TMEM18: variants seen among roughly 807,000 people sequenced by gnomAD.
TMEM18 encodes the protein transmembrane protein 18.
TMEM18 carries 14 observed loss-of-function variants against 17.4 expected under a neutral mutation model. That is an observed-to-expected ratio of 0.80 (90% CI 0.53 to 1.25). The LOEUF (loss-of-function observed/expected upper bound fraction) is 1.25. Ranked by LOEUF, TMEM18 falls within the 50% of genes most tolerant of loss-of-function variation. The probability of loss-of-function intolerance (pLI) is 0.00; values close to 1 mark genes in which losing one functional copy is unlikely to be tolerated. For synonymous variants in TMEM18, 86 were observed against 66.1 expected (o/e 1.30, Z -1.46); for missense variants, 187 against 172.1 (o/e 1.09, Z -0.48).
chr2:676,245 A>T (rs1215833315), intron 1 of TMEM18: 1 of 1,420,302 alleles, frequency 7.0e-7, no homozygotes. Flanking sequence ...GTACCTGGGG[A>T]CAGTGTCTGG....
Position 667,014 on chromosome 2 carries a change from C to CTT in TMEM18, c.*2564_*2565dup, listed in dbSNP as rs34894161. 0.041 allele frequency among the ~76,000 whole-genome samples: 5,777 copies of CTT among 140,768 alleles called. 286 individuals carry two copies. The highest frequency in any genetic ancestry group is 0.12 in the African/African-American group (4,559 of 38,124). 92.3% of individuals were successfully genotyped at this position (140,768 alleles called of 152,430 possible). A position where few individuals can be genotyped will look rare whatever the true frequency, so the allele number is the denominator to read the frequency against. On this transcript the variant is annotated 3_prime_UTR_variant, in exon 5 of 5. Transcript: ENST00000281017. ...CTTACCCTGAATTCCACCCCCAGCC[C>CTT]TTTTTTTTTTTTTTTAACATTTATT...
chr2:677,150 G>T, intron 1 of TMEM18, 139 bp downstream of exon 1: 1 of 1,121,540 alleles, frequency 8.9e-7, no homozygotes, highest in Non-Finnish European at 1.3e-6. Flanking sequence ...TCAGGACCCT[G>T]CCCAGCGCGC....
At chr2:673,463 C>T (rs1051378006) in intron 2 of TMEM18, among the ~76,000 whole-genome samples, 24 of 152,250 alleles carry the variant, frequency 1.6e-4, no homozygotes, top group African/African-American at 3.6e-4. Flanking sequence ...TCAGCTAATT[C>T]GTGGGTAATG....
intron 2 of TMEM18, 56 bp from the exon 3 acceptor site, chr2:672,918 A>C: frequency 7.0e-7 from 1 of 1,434,828 alleles, no homozygotes; most frequent in Non-Finnish European, 9.3e-7. Context: ...TACTCGTTAT[A>C]AAGTTATACA....
intron 1 of TMEM18, chr2:676,484 A>C: frequency 1.8e-6 from 2 of 1,098,696 alleles, no homozygotes; most frequent in Non-Finnish European, 2.5e-6. Context: ...CTCCTGTGTC[A>C]CTACTCTCTG....
intron 1 of TMEM18, chr2:676,547 C>A: frequency 1.3e-6 from 2 of 1,549,340 alleles, no homozygotes; most frequent in Non-Finnish European, 1.7e-6. Flanking sequence ...AGGACACAAG[C>A]GCATCTACTC....
chr2:677,104 G>A, intron 1 of TMEM18, 185 bp downstream of exon 1: 2 of 649,242 alleles, frequency 3.1e-6, no homozygotes, highest in Non-Finnish European at 5.0e-6. Context: ...CACAGCGCGC[G>A]CCCCCGACGC....
intron 3 of TMEM18, among the ~76,000 whole-genome samples, chr2:671,465 T>A (rs1397492330): frequency 1.9e-4 from 1 of 5,184 alleles, no homozygotes; most frequent in African/African-American, 1.4e-3. Context: ...AGGGTCCTCC[T>A]GGGACTGAAC....
chr2:669,906 T>C, intron 3 of TMEM18, 56 bp from the exon 4 acceptor site: 1 of 1,351,350 alleles, frequency 7.4e-7, no homozygotes, highest in Non-Finnish European at 1.0e-6. Context: ...AAAGTTCTAG[T>C]GACACCGTCT....
chr2:670,957 G>C (rs1678829977), intron 3 of TMEM18: 1 of 152,340 alleles, frequency 6.6e-6, no homozygotes, highest in African/African-American at 2.4e-5. Flanking sequence ...CGGCGAGGGT[G>C]GGGTGAAGGG....
chr2:671,204 C>T (rs1678838480), intron 3 of TMEM18, among the ~76,000 whole-genome samples: 1 of 152,182 alleles, frequency 6.6e-6, no homozygotes, highest in South Asian at 2.1e-4. Context: ...CAGGAGATCT[C>T]GGAGAAGCAT....
At chr2:672,041 A>C (rs1164374104) in intron 3 of TMEM18, among the ~76,000 whole-genome samples, 1 of 152,114 alleles carries the variant, frequency 6.6e-6, no homozygotes, top group Non-Finnish European at 1.5e-5. Flanking sequence ...GCGGGGTCTA[A>C]GCAAAGGATT....
chr2:672,724 T>C, intron 3 of TMEM18, 84 bp downstream of exon 3: 2 of 1,262,290 alleles, frequency 1.6e-6, no homozygotes, highest in Admixed American at 3.1e-5. Context: ...ATTCACTGTC[T>C]CCTCCGCGAG....
intron 2 of TMEM18, 109 bp from the exon 3 acceptor site, chr2:672,971 T>C (rs1678894997): frequency 1.9e-6 from 2 of 1,056,634 alleles, no homozygotes; most frequent in Non-Finnish European, 2.7e-6. Flanking sequence ...ACTTTAATTT[T>C]AAACATAACA....
In TMEM18 at chr2:666,166, G is replaced by A. The variant is rs928527955; in HGVS notation, c.*3414C>T. Among the ~76,000 whole-genome samples the A allele has an allele frequency of 6.6e-6, 1 of 152,240 alleles. No individual in the cohort carries two copies. Among genetic ancestry groups the A allele is most frequent in the Non-Finnish European group, 1.5e-5 (1 of 68,042 alleles). ...CTGACATCCAGCTCGCTCAGATGGA[G>A]CAGGAGCTGCTGAAGGGTGTTTTGG... On this transcript the variant is annotated 3_prime_UTR_variant, in exon 5 of 5. Coordinates refer to ENST00000281017, the MANE Select transcript of TMEM18 (RefSeq NM_152834.4).
At position 664,989 on chromosome 2, in the gene TMEM18, C is replaced by T. The variant is rs1177002370; in HGVS notation, c.*4591G>A. On this transcript the variant is annotated 3_prime_UTR_variant, in exon 5 of 5. Transcript: ENST00000281017. The stretch of plus-strand genomic sequence containing the variant: ...CATTACTTTATAGAAGATAGACTTA[C>T]AGAAAAAAGGGGCAGCAAATTGACA... Among the ~76,000 whole-genome samples, 1 of 152,154 alleles carries T rather than the reference C, an allele frequency of 6.6e-6. No homozygotes were observed. Among genetic ancestry groups the T allele is most frequent in the Non-Finnish European group, 1.5e-5 (1 of 68,026 alleles).
chr2:675,770 G>T, intron 1 of TMEM18, 140 bp from the exon 2 acceptor site: 1 of 1,534,472 alleles, frequency 6.5e-7, no homozygotes, highest in Non-Finnish European at 8.7e-7. Flanking sequence ...AGTATCCAGA[G>T]AGCATTGCCA....
rs1678747567 is a variant in TMEM18, at chr2:668,324, A to C, written c.*1256T>G. ...ATACTAAAAATGCACAGTCTCTACA[A>C]ACTCCCTGGTTTCTTTTCTGTCAGT... On this transcript the variant is annotated 3_prime_UTR_variant, in exon 5 of 5. Transcript: ENST00000281017. The C allele has an allele frequency of 6.6e-6, 1 of 152,240 alleles. No homozygotes were observed. The highest frequency in any genetic ancestry group is 1.5e-5 in the Non-Finnish European group (1 of 68,046). The allele number at this position is 152,240 out of a possible 1,614,324, so 9.4% of individuals were successfully genotyped here.
rs1678744957 is a variant in TMEM18, at chr2:668,220, T to C, written c.*1360A>G. 6.6e-6 allele frequency: 1 copy of C among 152,220 alleles called. No homozygotes were observed. 9.4% of individuals were successfully genotyped at this position (152,220 alleles called of 1,614,324 possible). On this transcript the variant is annotated 3_prime_UTR_variant, in exon 5 of 5. Coordinates refer to ENST00000281017, the MANE Select transcript of TMEM18 (RefSeq NM_152834.4). ...CATCACCTCCCATCAGGTCCCTCCC[T>C]TGACACATGGGGATTACAATTTGAG...
Sources: gnomAD v4.1 joint callset for allele counts (sites outside exome capture counted in the v4.1 genomes callset) on GRCh38, gnomAD v4.1.1 for gene constraint, MANE v1.5 for transcripts, NCBI Gene and HGNC (gene_info 2026-07-23, HGNC 2026-07-21) for gene names.